SLC15A5: variants seen among roughly 807,000 people sequenced by gnomAD.
SLC15A5 encodes the protein Peptide/histidine transporter ENSP00000340402.
SLC15A5 carries 58 observed loss-of-function variants against 56.1 expected under a neutral mutation model. That is an observed-to-expected ratio of 1.03 (90% CI 0.84 to 1.29). The LOEUF (loss-of-function observed/expected upper bound fraction) is 1.29, where lower values mean the gene tolerates loss of function less well. Among genes scored for constraint, SLC15A5 ranks in the 50% most tolerant of loss-of-function variants. SLC15A5 has a pLI of 0.00. For synonymous variants in SLC15A5, 264 were observed against 250.5 expected (o/e 1.05, Z -0.51); for missense variants, 681 against 672.1 (o/e 1.01, Z -0.15).
intron 5 of SLC15A5, among the ~76,000 whole-genome samples, chr12:16,234,036 A>G (rs1225421708): frequency 2.0e-5 from 3 of 152,332 alleles, no homozygotes; most frequent in African/African-American, 2.4e-5. Flanking sequence ...TTTATAAAGA[A>G]TAGAAATTTC....
At position 16,215,231 on chromosome 12, in the gene SLC15A5, C is replaced by G. The variant is rs1393814541; in HGVS notation, c.1483+1662G>C. ...AAAAAAAAAAAAAAAAAAAAAAAACCAAAGTGAGGATAGTCTTGGGGAGAA... is the reference window on the plus strand; with the variant it reads ...AAAAAAAAAAAAAAAAAAAAAAAACGAAAGTGAGGATAGTCTTGGGGAGAA... On this transcript the variant is annotated intron_variant, in intron 7 of 8. Transcript: ENST00000344941. 7.7e-5 allele frequency among the ~76,000 whole-genome samples: 2 copies of G among 25,828 alleles called. 1 individual carries two copies. Among genetic ancestry groups the G allele is most frequent in the Admixed American group, 8.7e-4 (2 of 2,294 alleles). 16.9% of individuals were successfully genotyped at this position (25,828 alleles called of 152,430 possible). A position where few individuals can be genotyped will look rare whatever the true frequency, so the allele number is the denominator to read the frequency against.
At chr12:16,240,062 G>T (rs1864398067) in intron 4 of SLC15A5, among the ~76,000 whole-genome samples, 195 bp from the exon 5 acceptor site, 1 of 152,076 alleles carries the variant, frequency 6.6e-6, no homozygotes, top group Admixed American at 6.5e-5. Context: ...CTAGTCTATT[G>T]ACAATAGTAC....
chr12:16,238,213 G>C (rs1349715664), intron 5 of SLC15A5, among the ~76,000 whole-genome samples: 3 of 152,260 alleles, frequency 2.0e-5, no homozygotes, highest in Non-Finnish European at 4.4e-5. Context: ...ATGTGATCTT[G>C]AGTGATCTGG....
At chr12:16,255,319 A>G (rs60517857) in intron 3 of SLC15A5, among the ~76,000 whole-genome samples, 1 of 152,132 alleles carries the variant, frequency 6.6e-6, no homozygotes, top group South Asian at 2.1e-4. Flanking sequence ...AAGAAATTCA[A>G]AATGCTCTAA....
chr12:16,246,747 G>A (rs1237456307), intron 3 of SLC15A5, among the ~76,000 whole-genome samples: 3 of 151,604 alleles, frequency 2.0e-5, no homozygotes, highest in African/African-American at 4.8e-5. Context: ...CCGTTTTTTT[G>A]TATAAACAAT....
chr12:16,267,919 T>C lies in SLC15A5; in HGVS notation c.584+4642A>G, dbSNP rs556132773. Reference sequence around the variant, plus strand: ...ATGCCTGGGTAATTAAAAAAAAATGTTTTTTTGGTAGAGATGGGGTTACTC... The same window carrying C: ...ATGCCTGGGTAATTAAAAAAAAATGCTTTTTTGGTAGAGATGGGGTTACTC... On this transcript the variant is annotated intron_variant, in intron 2 of 8. Transcript: ENST00000344941. Among the ~76,000 whole-genome samples the C allele has an allele frequency of 2.4e-4, 25 of 102,620 alleles. 4 individuals carry two copies. Among genetic ancestry groups the C allele is most frequent in the African/African-American group, 9.1e-4 (24 of 26,246 alleles). The allele number at this position is 102,620 out of a possible 152,430, so 67.3% of individuals were successfully genotyped here. A position where few individuals can be genotyped will look rare whatever the true frequency, so the allele number is the denominator to read the frequency against.
intron 1 of SLC15A5, among the ~76,000 whole-genome samples, chr12:16,274,957 T>C (rs1864800652): frequency 6.6e-6 from 1 of 152,074 alleles, no homozygotes. Context: ...CTGTGATGTG[T>C]GCAATTGTGT....
intron 2 of SLC15A5, among the ~76,000 whole-genome samples, chr12:16,270,598 T>C (rs1864742833): frequency 6.6e-6 from 1 of 152,206 alleles, no homozygotes; most frequent in African/African-American, 2.4e-5. Flanking sequence ...TATAATATGC[T>C]AGGATACTTT....
At chr12:16,194,130 AT>A (rs1437655170) in intron 8 of SLC15A5, among the ~76,000 whole-genome samples, 1 of 152,082 alleles carries the variant, frequency 6.6e-6, no homozygotes, top group Non-Finnish European at 1.5e-5. Flanking sequence ...GTGTTAGGAT[AT>A]GTTTTAGAAT....
At position 16,269,195 on chromosome 12, in the gene SLC15A5, A is replaced by G. The variant is rs1565675619; in HGVS notation, c.584+3366T>C. On this transcript the variant is annotated intron_variant, in intron 2 of 8. Coordinates refer to ENST00000344941, the MANE Select transcript of SLC15A5 (RefSeq NM_001170798.1). The surrounding 1 kb of genome is among the most constrained non-coding windows in gnomAD (Gnocchi z 4.7). ...TGCAGCCTGAATAGACTAAGACAGT[A>G]CTTGTTTAAAATATGCATTTCCCAC... 6.6e-6 allele frequency among the ~76,000 whole-genome samples: 1 copy of G among 152,194 alleles called. No individual in the cohort carries two copies. The highest frequency in any genetic ancestry group is 1.5e-5 in the Non-Finnish European group (1 of 68,030).
At chr12:16,220,390 T>TA (rs1388002047) in intron 6 of SLC15A5, among the ~76,000 whole-genome samples, 1 of 152,198 alleles carries the variant, frequency 6.6e-6, no homozygotes, top group African/African-American at 2.4e-5. Context: ...AGATCATCCT[T>TA]CCCACCTTCC....
chr12:16,256,349 A>G (rs1864571480), intron 3 of SLC15A5, among the ~76,000 whole-genome samples: 1 of 152,208 alleles, frequency 6.6e-6, no homozygotes, highest in Admixed American at 6.5e-5. Context: ...TCATCAATGA[A>G]TGCTAACTCT....
At chr12:16,273,135 G>T (rs1864778778) in intron 1 of SLC15A5, among the ~76,000 whole-genome samples, 1 of 151,914 alleles carries the variant, frequency 6.6e-6, no homozygotes, top group Admixed American at 6.6e-5. Context: ...CACCCCCAGA[G>T]AAAACCACTG....
At position 16,196,698 on chromosome 12, in the gene SLC15A5, C is replaced by A. The variant is rs1863897501; in HGVS notation, c.1484-2245G>T. ...AGGAGTTTGCACAGAGTATGTGAAG[C>A]TTCAGAATTAACATGACATTAATTC... is the stretch of plus-strand genomic sequence containing the variant. On this transcript the variant is annotated intron_variant, in intron 7 of 8. Transcript: ENST00000344941. The surrounding 1 kb of genome is among the most constrained non-coding windows in gnomAD (Gnocchi z 4.0). Among the ~76,000 whole-genome samples, 2 of 152,026 alleles carry A rather than the reference C, an allele frequency of 1.3e-5. No homozygotes were observed. The highest frequency in any genetic ancestry group is 2.9e-5 in the Non-Finnish European group (2 of 67,996).
intron 2 of SLC15A5, among the ~76,000 whole-genome samples, chr12:16,266,642 G>T (rs1413060144): frequency 6.6e-6 from 1 of 152,074 alleles, no homozygotes; most frequent in Non-Finnish European, 1.5e-5. Flanking sequence ...GGATGAAATT[G>T]TATATGTATC....
intron 2 of SLC15A5, among the ~76,000 whole-genome samples, chr12:16,263,256 G>T (rs746117633): frequency 1.3e-5 from 2 of 152,128 alleles, no homozygotes; most frequent in Non-Finnish European, 2.9e-5. Context: ...TTGGAAACTG[G>T]AACAAAGGTG....
At chr12:16,203,742 T>C (rs1017358755) in intron 7 of SLC15A5, among the ~76,000 whole-genome samples, 32 of 152,126 alleles carry the variant, frequency 2.1e-4, no homozygotes, top group African/African-American at 7.2e-4. Context: ...AGCATAGGAG[T>C]AAATATTGGA....
At chr12:16,232,852 G>C (rs1864311104) in intron 5 of SLC15A5, among the ~76,000 whole-genome samples, 1 of 152,024 alleles carries the variant, frequency 6.6e-6, no homozygotes, top group South Asian at 2.1e-4. Context: ...GGAGGTGGAG[G>C]TTGCAGTGAG....
intron 7 of SLC15A5, among the ~76,000 whole-genome samples, chr12:16,203,290 AAG>A (rs975890882): frequency 2.0e-5 from 3 of 152,112 alleles, no homozygotes; most frequent in Admixed American, 6.6e-5. Flanking sequence ...TTTAAGAAAA[AAG>A]AGAGATATTA....
Sources: gnomAD v4.1 joint callset for allele counts (sites outside exome capture counted in the v4.1 genomes callset) on GRCh38, gnomAD v4.1.1 for gene constraint, Gnocchi (gnomAD v3.1) non-coding constraint, MANE v1.5 for transcripts, NCBI Gene and HGNC (gene_info 2026-07-23, HGNC 2026-07-21) for gene names.